CCDC183: variants seen among roughly 807,000 people sequenced by gnomAD.
The protein encoded by CCDC183 is coiled-coil domain containing 183.
CCDC183 carries 63 observed loss-of-function variants against 65.2 expected under a neutral mutation model. The ratio of observed to expected loss-of-function variants is 0.97; its 90% CI spans 0.79 to 1.19. The LOEUF (loss-of-function observed/expected upper bound fraction) is 1.19. CCDC183 is among the 50% of genes most tolerant of loss of function. The pLI, the probability that CCDC183 is intolerant of heterozygous loss-of-function variation, is 0.00. For synonymous variants in CCDC183, 323 were observed against 276.5 expected, an observed-to-expected ratio of 1.17 and a Z score of -1.67; for missense variants, 769 against 689.3, an observed-to-expected ratio of 1.12 and a Z score of -1.30.
rs1465933248 is a variant in CCDC183 at position 136,804,383 on chromosome 9, C to T, written c.667-119C>T. ...TTAGGAAAAGGGTGTGGCCATTGGC[C>T]GGGGATGCAGTTCCAAAGTCTAGTA... On this transcript the variant is annotated intron_variant, in intron 6 of 13. Transcript: ENST00000338005. The surrounding 1 kb of genome is among the most constrained non-coding windows in gnomAD (Gnocchi z 4.1). The T allele has an allele frequency of 4.5e-5, 61 of 1,367,938 alleles. 1 individual carries two copies. The highest frequency in any genetic ancestry group is 3.9e-4 in the South Asian group (28 of 71,002). 84.7% of individuals were successfully genotyped at this position (1,367,938 alleles called of 1,614,324 possible). A position where few individuals can be genotyped will look rare whatever the true frequency, so the allele number is the denominator to read the frequency against.
At chr9:136,801,302 T>C (rs1489187042) in intron 5 of CCDC183, among the ~76,000 whole-genome samples, 1 of 151,820 alleles carries the variant, frequency 6.6e-6, no homozygotes, top group African/African-American at 2.4e-5. Context: ...CCCTCTATGC[T>C]TCCTGGGCCC....
chr9:136,800,658 CA>C (rs1847725368), intron 5 of CCDC183, 165 bp downstream of exon 5: 1 of 600,506 alleles, frequency 1.7e-6, no homozygotes, highest in African/African-American at 1.9e-5. Flanking sequence ...TTTTAAACTT[CA>C]TTTTTGGCTA....
At chr9:136,807,500 G>A (rs1179035266) in intron 13 of CCDC183, 72 bp from the exon 14 acceptor site, 1 of 1,484,826 alleles carries the variant, frequency 6.7e-7, no homozygotes, top group Non-Finnish European at 9.0e-7. Context: ...GGAGGGCGGG[G>A]GCGAGAGGCG....
chr9:136,807,304 G>A (rs1847877615), intron 13 of CCDC183: 4 of 645,252 alleles, frequency 6.2e-6, no homozygotes, highest in Non-Finnish European at 1.1e-5. Context: ...ATGCCAGACG[G>A]GCCCGGAGGA....
At chr9:136,805,333 T>A in intron 8 of CCDC183, 24 bp from the exon 9 acceptor site, 1 of 1,593,340 alleles carries the variant, frequency 6.3e-7, no homozygotes, top group Non-Finnish European at 8.6e-7. Flanking sequence ...GCATGCTGAC[T>A]GCCCCTCCCC....
intron 9 of CCDC183, 117 bp downstream of exon 9, chr9:136,805,574 T>C: frequency 2.4e-6 from 2 of 826,178 alleles, no homozygotes; most frequent in Non-Finnish European, 3.8e-6. Flanking sequence ...TGGGCTGGGG[T>C]CTGAGGCACT....
At chr9:136,800,607 C>A in intron 5 of CCDC183, 114 bp downstream of exon 5, 3 of 719,548 alleles carry the variant, frequency 4.2e-6, no homozygotes, top group South Asian at 1.7e-5. Flanking sequence ...CTCTGCCTGA[C>A]CACCGGCTAC....
intron 5 of CCDC183, chr9:136,800,785 A>C: frequency 2.7e-6 from 1 of 368,358 alleles, no homozygotes; most frequent in Non-Finnish European, 5.1e-6. Context: ...TGGGCCTCTG[A>C]GAGTCAGACA....
rs954034192 is a variant in CCDC183 at position 136,802,612 on chromosome 9, G to A, written c.544-52G>A. On this transcript the variant is annotated intron_variant, in intron 5 of 13. Coordinates refer to ENST00000338005, the MANE Select transcript of CCDC183 (RefSeq NM_001039374.5). ...TCTTAGTCGGGGGATAAAAGCTCGG[G>A]GCAACTGCAGCCCACTCTGTAGGGG... The A allele has an allele frequency of 3.9e-6, 6 of 1,553,300 alleles. No homozygotes were observed. In the African/African-American group the frequency reaches 8.3e-5, roughly 21 times the overall value.
chr9:136,804,650 G>A lies in CCDC183; in HGVS notation c.792+23G>A. Reference sequence around the variant, plus strand: ...CGGGTAAGCCCCAGGCCAGGGCCTGGCTGGCTGCCCATCCCCATGACAGCT... The same window carrying A: ...CGGGTAAGCCCCAGGCCAGGGCCTGACTGGCTGCCCATCCCCATGACAGCT... On this transcript the variant is annotated intron_variant, in intron 7 of 13. Coordinates refer to ENST00000338005, the MANE Select transcript of CCDC183 (RefSeq NM_001039374.5). The surrounding 1 kb of genome is among the most constrained non-coding windows in gnomAD (Gnocchi z 4.1). The A allele has an allele frequency of 6.2e-7, 1 of 1,613,224 alleles. No individual in the cohort carries two copies. The highest frequency in any genetic ancestry group is 1.1e-5 in the South Asian group (1 of 91,064).
intron 5 of CCDC183, 159 bp downstream of exon 5, chr9:136,800,652 A>G (rs1287167597): frequency 1.7e-6 from 1 of 604,948 alleles, no homozygotes; most frequent in African/African-American, 1.9e-5. Context: ...ACGTTTTTTT[A>G]AACTTCATTT....
chr9:136,807,017 G>C lies in CCDC183; in HGVS notation c.1437G>C (p.Glu479Asp), dbSNP rs1350092661. 1 of 1,613,642 alleles carries C rather than the reference G, an allele frequency of 6.2e-7. No individual in the cohort carries two copies. The highest frequency in any genetic ancestry group is 1.1e-5 in the South Asian group (1 of 91,078). The change falls in exon 13 of 14, where the codon GAG (glutamate) becomes GAC (aspartate). Residue 479 changes from glutamate to aspartate, a missense_variant. Glu to Asp is a conservative substitution (Grantham distance 45). Transcript: ENST00000338005. ...RDTLESSTLM[E>D]KYNTRISFEN... ...CCCTGGAGTCCTCGACTCTGATGGA[G>C]AAGTACAACACCAGGATCAGCTTTG...
intron 8 of CCDC183, 84 bp from the exon 9 acceptor site, chr9:136,805,273 C>A: frequency 1.8e-6 from 2 of 1,118,396 alleles, no homozygotes; most frequent in Non-Finnish European, 2.6e-6. Context: ...AGCAGCTGGG[C>A]AGGTACAGAG....
At chr9:136,801,873 C>T (rs987530206) in intron 5 of CCDC183, among the ~76,000 whole-genome samples, 6 of 148,744 alleles carry the variant, frequency 4.0e-5, no homozygotes, top group East Asian at 2.0e-4. Context: ...CTGCAACCTC[C>T]GCCTCCCGGG....
chr9:136,805,226 A>T (rs766197095), intron 8 of CCDC183, 131 bp from the exon 9 acceptor site: 3 of 702,624 alleles, frequency 4.3e-6, no homozygotes, highest in Non-Finnish European at 7.2e-6. Context: ...GGGGGCAGGC[A>T]TCTCTGAAGG....
At position 136,800,241 on chromosome 9, in the gene CCDC183, G is replaced by T. The variant is rs1360998173; in HGVS notation, c.438+72G>T. ...GACTCACGGGAGGGGCGGGGCCACC[G>T]GGGGGCGGGACTTGCGGGTCCCCTG... is the stretch of plus-strand genomic sequence containing the variant. On this transcript the variant is annotated intron_variant, in intron 4 of 13. Transcript: ENST00000338005. 6 of 1,375,004 alleles carry T rather than the reference G, an allele frequency of 4.4e-6. No homozygotes were observed. In the East Asian group the frequency reaches 7.6e-5, roughly 17 times the overall value. 85.2% of individuals were successfully genotyped at this position (1,375,004 alleles called of 1,614,324 possible). A position where few individuals can be genotyped will look rare whatever the true frequency, so the allele number is the denominator to read the frequency against.
At chr9:136,805,803 C>A (rs1847834735) in intron 9 of CCDC183, among the ~76,000 whole-genome samples, 1 of 152,102 alleles carries the variant, frequency 6.6e-6, no homozygotes, top group African/African-American at 2.4e-5. Context: ...TCTCTGCCTG[C>A]CATTAGGGTC....
intron 1 of CCDC183, among the ~76,000 whole-genome samples, chr9:136,797,063 ACCATTC>A (rs1304894195): frequency 6.6e-6 from 1 of 152,186 alleles, no homozygotes; most frequent in East Asian, 1.9e-4. Flanking sequence ...TGTAAAGCCG[ACCATTC>A]CCATTCGTTC....
rs530143489 is a variant in CCDC183 at position 136,804,822 on chromosome 9, C to T, written c.847+6C>T. 2.5e-5 allele frequency: 41 copies of T among 1,613,342 alleles called. No individual in the cohort carries two copies. The South Asian group carries it at 2.7e-4, about 11-fold the overall frequency. The stretch of plus-strand genomic sequence containing the variant: ...GAGCACGGAGACCCTGAAATGTAAG[C>T]GCTCAGCTCCCCACCTGCCCCCAGC... On this transcript the variant is annotated splice_donor_region_variant and intron_variant, in intron 8 of 13. Transcript: ENST00000338005. The surrounding 1 kb of genome is among the most constrained non-coding windows in gnomAD (Gnocchi z 4.1).
Sources: allele counts gnomAD v4.1 joint callset (sites outside exome capture counted in the v4.1 genomes callset), GRCh38; gene constraint gnomAD v4.1.1; non-coding constraint Gnocchi (gnomAD v3.1); transcripts MANE v1.5; gene names NCBI Gene and HGNC (gene_info 2026-07-23, HGNC 2026-07-21).